SOX6: variants seen among roughly 807,000 people sequenced by gnomAD.
SOX6 encodes the protein transcription factor SOX-6.
SOX6 carries 11 observed loss-of-function variants against 97.8 expected under a neutral mutation model. The observed-to-expected ratio is 0.11, with a 90% confidence interval of 0.07 to 0.19. The LOEUF (loss-of-function observed/expected upper bound fraction) is 0.19, where lower values mean the gene tolerates loss of function less well. SOX6 is among the 10% of genes least tolerant of loss of function. SOX6 has a pLI of 1.00. For missense variants in SOX6, 810 were observed against 1,039.5 expected (o/e 0.78, Z 3.04); for synonymous variants, 360 against 371.4 (o/e 0.97, Z 0.35).
chr11:16,306,749 C>T (rs766808261), intron 3 of SOX6, among the ~76,000 whole-genome samples: 1 of 151,742 alleles, frequency 6.6e-6, no homozygotes, highest in Non-Finnish European at 1.5e-5. Context: ...CCTCAGCCTC[C>T]TGAGTAGCTG....
intron 3 of SOX6, among the ~76,000 whole-genome samples, chr11:16,252,015 G>T (rs1166718660): frequency 1.3e-5 from 2 of 151,788 alleles, no homozygotes; most frequent in Non-Finnish European, 2.9e-5. Context: ...TCTCAGCAAT[G>T]TAAGACTAGG....
chr11:15,979,330 T>TA (rs1853595493), intron 15 of SOX6, among the ~76,000 whole-genome samples: 1 of 151,922 alleles, frequency 6.6e-6, no homozygotes, highest in African/African-American at 2.4e-5. Context: ...CCTCCACCCC[T>TA]ACAAACCTGG....
At chr11:16,679,209 G>A (rs943931059) in intron 3 of SOX6, among the ~76,000 whole-genome samples, 7 of 152,106 alleles carry the variant, frequency 4.6e-5, no homozygotes, top group Non-Finnish European at 7.3e-5. Flanking sequence ...CTCCCAGTAC[G>A]GGCCAACAGA....
chr11:16,058,856 T>C (rs1847879842), intron 9 of SOX6, among the ~76,000 whole-genome samples: 1 of 152,068 alleles, frequency 6.6e-6, no homozygotes, highest in African/African-American at 2.4e-5. Flanking sequence ...TATGTGCTCA[T>C]GGGGCTGGAA....
At chr11:16,659,782 T>C (rs771536053) in intron 3 of SOX6, among the ~76,000 whole-genome samples, 2 of 152,206 alleles carry the variant, frequency 1.3e-5, no homozygotes, top group Admixed American at 6.5e-5. Flanking sequence ...TTTGGAAAGT[T>C]ATTATTGACT....
At chr11:16,469,410 T>C (rs1266459342) in intron 1 of SOX6, among the ~76,000 whole-genome samples, 1 of 152,122 alleles carries the variant, frequency 6.6e-6, no homozygotes, top group Non-Finnish European at 1.5e-5. Context: ...AAGGTCTTAC[T>C]TTAAATGTTA....
chr11:16,453,080 A>T (rs1486097020), intron 1 of SOX6, among the ~76,000 whole-genome samples: 1 of 152,098 alleles, frequency 6.6e-6, no homozygotes. Context: ...ATAAAACGCA[A>T]TTTTTATTCC....
chr11:16,083,490 A>T (rs1462902260), intron 9 of SOX6, among the ~76,000 whole-genome samples: 1 of 152,168 alleles, frequency 6.6e-6, no homozygotes, highest in African/African-American at 2.4e-5. Context: ...TTGTGAAAAA[A>T]ATATATCTCT....
At chr11:16,308,712 C>T (rs1855510484) in intron 3 of SOX6, among the ~76,000 whole-genome samples, 1 of 152,126 alleles carries the variant, frequency 6.6e-6, no homozygotes, top group South Asian at 2.1e-4. Context: ...TGAGGAACTA[C>T]TCTAATTCTA....
At chr11:16,110,288 A>C (rs922701358) in intron 7 of SOX6, 1 of 152,162 alleles carries the variant, frequency 6.6e-6, no homozygotes, top group African/African-American at 2.4e-5. Flanking sequence ...TGTCAAACTC[A>C]AATTCAGAAT....
chr11:16,543,226 TA>T (rs547491457), intron 4 of SOX6, among the ~76,000 whole-genome samples: 50 of 152,178 alleles, frequency 3.3e-4, no homozygotes, highest in African/African-American at 1.2e-3. Context: ...TAAGCAAAAT[TA>T]AATGAGCATG....
intron 4 of SOX6, among the ~76,000 whole-genome samples, chr11:16,215,638 T>A (rs1852352306): frequency 6.6e-6 from 1 of 152,096 alleles, no homozygotes; most frequent in African/African-American, 2.4e-5. Flanking sequence ...TATGAAATAA[T>A]CCTTGACAGC....
At chr11:16,690,299 T>G (rs1848003097) in intron 3 of SOX6, among the ~76,000 whole-genome samples, 1 of 152,254 alleles carries the variant, frequency 6.6e-6, no homozygotes, top group Admixed American at 6.5e-5. Context: ...CTGTGGCTTA[T>G]GACATAAACT....
chr11:16,092,302 A>G (rs992323707), intron 9 of SOX6, among the ~76,000 whole-genome samples: 9 of 151,988 alleles, frequency 5.9e-5, no homozygotes, highest in African/African-American at 2.2e-4. Flanking sequence ...GTAAGAAAAG[A>G]ATAACCCTAT....
chr11:16,232,546 C>T (rs562114122), intron 4 of SOX6, among the ~76,000 whole-genome samples: 1 of 151,966 alleles, frequency 6.6e-6, no homozygotes, highest in South Asian at 2.1e-4. Context: ...AAGACTAGCA[C>T]ATTTTTTAAA....
At chr11:16,683,786 G>A (rs1847946962) in intron 3 of SOX6, among the ~76,000 whole-genome samples, 1 of 152,086 alleles carries the variant, frequency 6.6e-6, no homozygotes, top group Non-Finnish European at 1.5e-5. Flanking sequence ...ACTATCATCG[G>A]AGTGAGCAGG....
chr11:16,573,495 A>C (rs1847956314), intron 4 of SOX6, among the ~76,000 whole-genome samples: 1 of 152,154 alleles, frequency 6.6e-6, no homozygotes, highest in Non-Finnish European at 1.5e-5. Context: ...GTCACATCAA[A>C]TATTTATGTT....
At chr11:16,148,007 A>C (rs1286113872) in intron 6 of SOX6, among the ~76,000 whole-genome samples, 6 of 152,186 alleles carry the variant, frequency 3.9e-5, no homozygotes, top group Non-Finnish European at 2.9e-5. Context: ...CTTTTTATAC[A>C]TACACCAAAT....
chr11:16,550,734 T>G (rs1847674181), intron 4 of SOX6, among the ~76,000 whole-genome samples: 1 of 152,194 alleles, frequency 6.6e-6, no homozygotes, highest in Non-Finnish European at 1.5e-5. Context: ...TATTGTTGCA[T>G]CTATGGTTCT....
Sources: gnomAD v4.1 joint callset for allele counts (sites outside exome capture counted in the v4.1 genomes callset) on GRCh38, gnomAD v4.1.1 for gene constraint, MANE v1.5 for transcripts, NCBI Gene and HGNC (gene_info 2026-07-23, HGNC 2026-07-21) for gene names.